The following GPD2 variants were observed in gnomAD, a reference collection of about 807,000 sequenced individuals.
The protein encoded by GPD2 is glycerol-3-phosphate dehydrogenase 2, also known as glycerol-3-phosphate dehydrogenase, mitochondrial.
GPD2 carries 54 observed loss-of-function variants against 82.4 expected under a neutral mutation model. That is an observed-to-expected ratio of 0.66 (90% CI 0.53 to 0.82). GPD2 has a LOEUF of 0.82. Ranked by LOEUF, GPD2 falls within the 40% of genes least tolerant of loss-of-function variation. GPD2 has a pLI of 0.00. For synonymous variants in GPD2, 288 were observed against 306.1 expected (o/e 0.94, Z 0.62); for missense variants, 748 against 896.2 (o/e 0.83, Z 2.11).
intron 9 of GPD2, among the ~76,000 whole-genome samples, chr2:156,563,088 A>G (rs1687234093): frequency 6.6e-6 from 1 of 152,150 alleles, no homozygotes; most frequent in East Asian, 1.9e-4. Flanking sequence ...CCAGTTGTTC[A>G]ATATATAGTC....
intron 1 of GPD2, among the ~76,000 whole-genome samples, chr2:156,470,208 T>C (rs1344796374): frequency 6.6e-6 from 1 of 152,122 alleles, no homozygotes; most frequent in Non-Finnish European, 1.5e-5. Context: ...TTTTCTTTTT[T>C]TTTTAAGACA....
chr2:156,481,079 C>T (rs1035765256), intron 2 of GPD2, among the ~76,000 whole-genome samples: 42 of 152,176 alleles, frequency 2.8e-4, no homozygotes, highest in African/African-American at 9.9e-4. Flanking sequence ...AGAGCAGTCT[C>T]TGCAGACTGC....
chr2:156,482,085 G>A (rs891619654), intron 2 of GPD2, among the ~76,000 whole-genome samples: 3 of 152,206 alleles, frequency 2.0e-5, no homozygotes, highest in African/African-American at 7.2e-5. Flanking sequence ...TACCTCTTAT[G>A]AGATTCCCAA....
intron 3 of GPD2, among the ~76,000 whole-genome samples, chr2:156,505,042 CTTCTG>C (rs1558932377): frequency 2.6e-5 from 4 of 152,110 alleles, no homozygotes; most frequent in South Asian, 2.1e-4. Context: ...TTAAAATATA[CTTCTG>C]TTCTATTTCA....
rs79995668 is a variant in GPD2, at chr2:156,481,385, T to C, written c.102+5178T>C. 5.2e-4 allele frequency among the ~76,000 whole-genome samples: 79 copies of C among 152,274 alleles called. 1 individual carries two copies. The East Asian group carries it at 0.012, about 23-fold the overall frequency. ...TGTTAACCATATTCAGCATATAGTG[T>C]TACAAAGCCCTAGAACTTATTCCAT... On this transcript the variant is annotated intron_variant, in intron 2 of 16. Coordinates refer to ENST00000438166, the MANE Select transcript of GPD2 (RefSeq NM_000408.5).
chr2:156,501,911 T>C (rs182316386), intron 3 of GPD2: 10 of 168,776 alleles, frequency 5.9e-5, no homozygotes, highest in African/African-American at 2.4e-4. Flanking sequence ...TACTAAAGTG[T>C]ATTCTAAAAC....
intron 2 of GPD2, chr2:156,495,615 G>A (rs1162312555): frequency 4.3e-6 from 2 of 464,444 alleles, no homozygotes; most frequent in Non-Finnish European, 8.9e-6. Flanking sequence ...TTCTGAGAAA[G>A]TGTGGAAAGA....
the GPD2 span, among the ~76,000 whole-genome samples, chr2:156,405,517 G>C: frequency 6.6e-6 from 1 of 152,256 alleles, no homozygotes; most frequent in Admixed American, 6.5e-5. Context: ...AGTGGCATCT[G>C]TGGAGGCAGG....
chr2:156,470,227 C>G (rs1274341146), intron 1 of GPD2, among the ~76,000 whole-genome samples: 3 of 151,616 alleles, frequency 2.0e-5, no homozygotes, highest in African/African-American at 7.3e-5. Flanking sequence ...CAGGGTTTTG[C>G]TCTGTCGCCC....
intron 6 of GPD2, among the ~76,000 whole-genome samples, chr2:156,519,109 A>G (rs1156805312): frequency 6.6e-6 from 1 of 152,224 alleles, no homozygotes; most frequent in Non-Finnish European, 1.5e-5. Context: ...TCTATAATAT[A>G]TAAAAACAGT....
At chr2:156,550,826 A>C (rs997076518) in intron 8 of GPD2, 80 bp downstream of exon 8, 5 of 1,106,508 alleles carry the variant, frequency 4.5e-6, no homozygotes, top group African/African-American at 1.5e-5. Flanking sequence ...TTCTTCTAGC[A>C]TAGCAATAGA....
chr2:156,400,830 C>T, the GPD2 span, among the ~76,000 whole-genome samples: 47 of 152,294 alleles, frequency 3.1e-4, no homozygotes, highest in East Asian at 3.3e-3. Flanking sequence ...GTTCAATCCC[C>T]GGCATCTCCA....
chr2:156,400,858 T>G, the GPD2 span, among the ~76,000 whole-genome samples: 4 of 152,296 alleles, frequency 2.6e-5, no homozygotes, highest in South Asian at 6.2e-4. Flanking sequence ...CGACGTTTGC[T>G]TTTTATTTTT....
intron 2 of GPD2, among the ~76,000 whole-genome samples, chr2:156,485,407 C>T (rs1683902992): frequency 6.6e-6 from 1 of 152,174 alleles, no homozygotes. Flanking sequence ...ATGATCTGTC[C>T]TTCTGAGGTG....
chr2:156,516,098 A>C (rs1248645996), intron 6 of GPD2, among the ~76,000 whole-genome samples: 1 of 152,252 alleles, frequency 6.6e-6, no homozygotes, highest in African/African-American at 2.4e-5. Context: ...AGTATTTCAG[A>C]GAGGAAAATA....
chr2:156,411,677 G>A, the GPD2 span, among the ~76,000 whole-genome samples: 34 of 152,164 alleles, frequency 2.2e-4, no homozygotes, highest in Non-Finnish European at 3.7e-4. Flanking sequence ...CAGTTTTTCC[G>A]TTAGCACCAA....
intron 6 of GPD2, among the ~76,000 whole-genome samples, chr2:156,515,304 A>C (rs994454903): frequency 1.3e-5 from 2 of 151,510 alleles, no homozygotes; most frequent in Non-Finnish European, 2.9e-5. Flanking sequence ...TGGGGGGCTG[A>C]GGTGGCTGCA....
At chr2:156,514,420 C>T (rs1050774695) in intron 6 of GPD2, among the ~76,000 whole-genome samples, 19 of 151,336 alleles carry the variant, frequency 1.3e-4, no homozygotes, top group Admixed American at 7.9e-4. Context: ...CCCCCACCCC[C>T]GTTGTATTAT....
At chr2:156,581,607 G>C (rs1260913442) in intron 16 of GPD2, among the ~76,000 whole-genome samples, 1 of 152,020 alleles carries the variant, frequency 6.6e-6, no homozygotes, top group Non-Finnish European at 1.5e-5. Flanking sequence ...TGCAGACTAA[G>C]AGCCCATGTT....
Sources: allele counts gnomAD v4.1 joint callset (sites outside exome capture counted in the v4.1 genomes callset), GRCh38; gene constraint gnomAD v4.1.1; transcripts MANE v1.5; gene names NCBI Gene and HGNC (gene_info 2026-07-23, HGNC 2026-07-21).